Variants in PSD3 observed in about 807,000 individuals in gnomAD.
The protein encoded by PSD3 is PH and SEC7 domain-containing protein 3.
Under a neutral mutation model 105.5 loss-of-function variants are expected in PSD3, and 49 were observed. The observed-to-expected ratio is 0.46, with a 90% CI of 0.37 to 0.59. PSD3 has a LOEUF of 0.59. PSD3 is among the 20% of genes least tolerant of loss of function. The probability of loss-of-function intolerance (pLI) is 0.00; values close to 1 mark genes in which losing one functional copy is unlikely to be tolerated. For missense variants in PSD3, 1,561 were observed against 1,263.8 expected, an observed-to-expected ratio of 1.24 and a Z score of -3.57; for synonymous variants, 557 against 457.8, an observed-to-expected ratio of 1.22 and a Z score of -2.77.
chr8:18,990,108 A>C (rs1825710479), intron 1 of PSD3, among the ~76,000 whole-genome samples: 1 of 152,146 alleles, frequency 6.6e-6, no homozygotes, highest in Admixed American at 6.5e-5. Context: ...CTGTCCAAGA[A>C]ATCTTCATCT....
rs113634696 is a variant in PSD3, at chr8:18,910,827, C to T, written c.130+25207G>A. Among the ~76,000 whole-genome samples the T allele has an allele frequency of 1.0e-2, 1,515 of 151,584 alleles. 30 individuals carry two copies. The highest frequency in any genetic ancestry group is 0.035 in the African/African-American group (1,457 of 41,334). On this transcript the variant is annotated intron_variant, in intron 2 of 15. Coordinates refer to ENST00000327040, the MANE Select transcript of PSD3 (RefSeq NM_015310.4). ...GTTTTATTTTAACAAAGAAATTGTG[C>T]CTTCAAATGGTATCTGACACAGAAG...
intron 4 of PSD3, among the ~76,000 whole-genome samples, chr8:18,844,599 G>GA (rs201515416): frequency 3.2e-3 from 488 of 150,454 alleles, no homozygotes; most frequent in South Asian, 0.012. Flanking sequence ...TGCTAAAAAA[G>GA]AAAAAAAAAT....
At chr8:19,057,949 G>C (rs968720361) in intron 1 of PSD3, among the ~76,000 whole-genome samples, 2 of 152,058 alleles carry the variant, frequency 1.3e-5, no homozygotes, top group African/African-American at 4.8e-5. Context: ...TTTCCCTAGA[G>C]AACTGAGAAC....
chr8:18,765,617 C>G lies in PSD3; in HGVS notation c.2083-79G>C, dbSNP rs532462870. The stretch of plus-strand genomic sequence containing the variant: ...TTCATAAATATATGATGAGGCAGAC[C>G]AATAATTTGTTTCTAAAAACATAAC... On this transcript the variant is annotated intron_variant, in intron 8 of 15. Coordinates refer to ENST00000327040, the MANE Select transcript of PSD3 (RefSeq NM_015310.4). 6.5e-6 allele frequency: 8 copies of G among 1,227,226 alleles called. No homozygotes were observed. In the East Asian group the frequency reaches 1.9e-4, roughly 29 times the overall value. 76.0% of individuals were successfully genotyped at this position (1,227,226 alleles called of 1,614,324 possible).
chr8:18,913,855 T>G (rs952914776), intron 2 of PSD3, among the ~76,000 whole-genome samples: 6 of 151,978 alleles, frequency 3.9e-5, no homozygotes, highest in Non-Finnish European at 7.4e-5. Context: ...GGCCAGCCAC[T>G]GCGAACTCAG....
At position 18,968,852 on chromosome 8, in the gene PSD3, C is replaced by T. The variant is rs1238587240; in HGVS notation, c.22-32710G>A. Among the ~76,000 whole-genome samples the T allele has an allele frequency of 3.5e-5, 4 of 115,010 alleles. No individual in the cohort carries two copies. In the East Asian group the frequency reaches 8.7e-4, roughly 25 times the overall value. The allele number at this position is 115,010 out of a possible 152,430, so 75.5% of individuals were successfully genotyped here. ...GATCGCGCCACTGCACTGCAGCCTG[C>T]GTGACAGAGCAAAAAAAAAATGTCT... On this transcript the variant is annotated intron_variant, in intron 1 of 15. Transcript: ENST00000327040.
intron 9 of PSD3, among the ~76,000 whole-genome samples, chr8:18,755,345 G>A (rs558347827): frequency 6.4e-4 from 98 of 152,084 alleles, no homozygotes; most frequent in Admixed American, 2.0e-3. Flanking sequence ...CAGGAGAATC[G>A]CCTGAACCTA....
intron 2 of PSD3, among the ~76,000 whole-genome samples, chr8:18,933,951 T>C (rs1406682328): frequency 6.6e-6 from 1 of 152,224 alleles, no homozygotes; most frequent in East Asian, 1.9e-4. Flanking sequence ...ACGAAACACA[T>C]TCTCCTCTAA....
At chr8:19,068,341 G>GT (rs956477135) in intron 1 of PSD3, among the ~76,000 whole-genome samples, 1 of 151,050 alleles carries the variant, frequency 6.6e-6, no homozygotes, top group African/African-American at 2.4e-5. Context: ...CCAGGCTGGA[G>GT]TGCCATGGCA....
At position 18,804,735 on chromosome 8, in the gene PSD3, T is replaced by G. The variant is rs1396754856; in HGVS notation, c.1798A>C (p.Arg600=). 1.2e-6 allele frequency: 2 copies of G among 1,613,990 alleles called. No individual in the cohort carries two copies. The highest frequency in any genetic ancestry group is 1.7e-5 in the Admixed American group (1 of 59,996). Residue 600 remains arginine, a synonymous_variant, in exon 5 of 16, where the codon AGA becomes CGA. Coordinates refer to ENST00000327040, the MANE Select transcript of PSD3 (RefSeq NM_015310.4). ...KRLYQLDRFK[R]SDVAKHLGKN... Reference sequence around the variant, plus strand: ...CCAAGGTGTTTTGCAACATCTGATCTTTTGAATCTGTCCAGCTGATAAAGG... The same window carrying G: ...CCAAGGTGTTTTGCAACATCTGATCGTTTGAATCTGTCCAGCTGATAAAGG...
At chr8:19,043,574 G>A (rs1026935039) in intron 1 of PSD3, among the ~76,000 whole-genome samples, 2 of 152,164 alleles carry the variant, frequency 1.3e-5, no homozygotes. Flanking sequence ...TGGTTTGAGC[G>A]TTTGTCCCAT....
intron 4 of PSD3, among the ~76,000 whole-genome samples, chr8:18,847,133 T>A (rs757747161): frequency 6.6e-6 from 1 of 152,152 alleles, no homozygotes; most frequent in Non-Finnish European, 1.5e-5. Flanking sequence ...CGCACACTTC[T>A]GCTTTCATGC....
At chr8:18,939,707 T>C (rs1184609243) in intron 1 of PSD3, among the ~76,000 whole-genome samples, 1 of 152,170 alleles carries the variant, frequency 6.6e-6, no homozygotes, top group Non-Finnish European at 1.5e-5. Flanking sequence ...ATTGTATGCA[T>C]TTAAAATGCA....
At chr8:18,562,795 A>C (rs1165648401) in intron 14 of PSD3, among the ~76,000 whole-genome samples, 1 of 152,146 alleles carries the variant, frequency 6.6e-6, no homozygotes, top group Non-Finnish European at 1.5e-5. Context: ...AGGCCGAGGC[A>C]GGGGAATTGC....
Position 19,005,951 on chromosome 8 carries a change from A to C in PSD3, c.21+7612T>G, listed in dbSNP as rs111446661. 2.4e-3 allele frequency among the ~76,000 whole-genome samples: 363 copies of C among 151,918 alleles called. 2 individuals are homozygous for C. Among genetic ancestry groups the C allele is most frequent in the African/African-American group, 8.0e-3 (330 of 41,452 alleles). ...TTGTTTAAAAAAAGGATCCCATTTAATCTCCATGAGCCTCAATTTCACCCT... is the reference window on the plus strand; with the variant it reads ...TTGTTTAAAAAAAGGATCCCATTTACTCTCCATGAGCCTCAATTTCACCCT... On this transcript the variant is annotated intron_variant, in intron 1 of 15. Coordinates refer to ENST00000327040, the MANE Select transcript of PSD3 (RefSeq NM_015310.4).
intron 15 of PSD3, among the ~76,000 whole-genome samples, chr8:18,545,110 C>T (rs1423578216): frequency 1.3e-4 from 20 of 152,214 alleles, no homozygotes; most frequent in African/African-American, 4.6e-4. Flanking sequence ...TGATTTCTCT[C>T]ATTCTTTACA....
At chr8:18,962,332 A>G (rs1823976981) in intron 1 of PSD3, among the ~76,000 whole-genome samples, 1 of 152,228 alleles carries the variant, frequency 6.6e-6, no homozygotes, top group Non-Finnish European at 1.5e-5. Context: ...AAGGAAAATA[A>G]TTGATGAAAT....
intron 14 of PSD3, among the ~76,000 whole-genome samples, chr8:18,568,033 T>C (rs1801901905): frequency 6.6e-6 from 1 of 152,192 alleles, no homozygotes; most frequent in Non-Finnish European, 1.5e-5. Flanking sequence ...CTCTCTCTCT[T>C]GCCATGTGAC....
intron 9 of PSD3, among the ~76,000 whole-genome samples, chr8:18,713,560 G>A (rs1802387529): frequency 6.6e-6 from 1 of 151,938 alleles, no homozygotes; most frequent in African/African-American, 2.4e-5. Flanking sequence ...AAATACCTAG[G>A]AATATGGCAA....
Sources: gnomAD v4.1 joint callset for allele counts (sites outside exome capture counted in the v4.1 genomes callset) on GRCh38, gnomAD v4.1.1 for gene constraint, MANE v1.5 for transcripts, NCBI Gene and HGNC (gene_info 2026-07-23, HGNC 2026-07-21) for gene names.